Variants in RIT2 observed in about 807,000 individuals in gnomAD.
The protein encoded by RIT2 is Ras like without CAAX 2.
Under a neutral mutation model 23.7 loss-of-function variants are expected in RIT2, and 24 were observed. The ratio of observed to expected loss-of-function variants is 1.01; its 90% CI spans 0.73 to 1.43. The LOEUF (loss-of-function observed/expected upper bound fraction) is 1.43, where lower values mean the gene tolerates loss of function less well. Among genes scored for constraint, RIT2 ranks in the 40% most tolerant of loss-of-function variants. The probability of loss-of-function intolerance (pLI) is 0.00; values close to 1 mark genes in which losing one functional copy is unlikely to be tolerated. For missense variants in RIT2, 236 were observed against 266.9 expected (o/e 0.88, Z 0.81); for synonymous variants, 107 against 91.1 (o/e 1.17, Z -0.99).
At chr18:42,905,087 C>T (rs1246572513) in intron 4 of RIT2, among the ~76,000 whole-genome samples, 1 of 152,064 alleles carries the variant, frequency 6.6e-6, no homozygotes, top group Non-Finnish European at 1.5e-5. Flanking sequence ...TCCCTTCAAG[C>T]CATGTCTACA....
At chr18:43,045,124 C>T (rs1172463879) in intron 1 of RIT2, among the ~76,000 whole-genome samples, 1 of 152,016 alleles carries the variant, frequency 6.6e-6, no homozygotes, top group African/African-American at 2.4e-5. Flanking sequence ...AAATGAAATA[C>T]CTAAGGAGTA....
chr18:42,801,738 ATTCT>A (rs989481001), intron 4 of RIT2, among the ~76,000 whole-genome samples: 2 of 152,082 alleles, frequency 1.3e-5, no homozygotes, highest in African/African-American at 2.4e-5. Context: ...GATGACTGTC[ATTCT>A]TTCTTTCTTT....
At chr18:42,841,003 C>T (rs2144023741) in intron 4 of RIT2, among the ~76,000 whole-genome samples, 1 of 152,220 alleles carries the variant, frequency 6.6e-6, no homozygotes, top group African/African-American at 2.4e-5. Context: ...CACAAAATTC[C>T]TGTTTGGCAA....
chr18:42,967,257 T>G (rs1291197064), intron 3 of RIT2, among the ~76,000 whole-genome samples: 1 of 152,128 alleles, frequency 6.6e-6, no homozygotes, highest in East Asian at 1.9e-4. Flanking sequence ...GTGATTGGCT[T>G]CTATAAATCT....
At chr18:42,826,303 T>C (rs990595235) in intron 4 of RIT2, among the ~76,000 whole-genome samples, 6 of 152,084 alleles carry the variant, frequency 3.9e-5, no homozygotes, top group African/African-American at 1.4e-4. Flanking sequence ...ACCATTCACG[T>C]ATTAAGTGGC....
chr18:43,107,797 G>A (rs1283226724), intron 1 of RIT2, among the ~76,000 whole-genome samples: 14 of 152,086 alleles, frequency 9.2e-5, no homozygotes, highest in Non-Finnish European at 1.5e-5. Flanking sequence ...AGCACTCTCC[G>A]TTGTTTGTGT....
At chr18:43,046,492 T>C (rs1912250593) in intron 1 of RIT2, among the ~76,000 whole-genome samples, 1 of 152,198 alleles carries the variant, frequency 6.6e-6, no homozygotes, top group Admixed American at 6.5e-5. Flanking sequence ...AGATGAGCTC[T>C]GCCTAAAGCT....
intron 4 of RIT2, among the ~76,000 whole-genome samples, chr18:42,798,398 CTCTT>C (rs1905434163): frequency 6.6e-6 from 1 of 152,180 alleles, no homozygotes; most frequent in Admixed American, 6.5e-5. Context: ...GCAACAGTCT[CTCTT>C]TGTTTTTTAA....
chr18:42,967,882 AAAT>A (rs1910273534), intron 3 of RIT2, among the ~76,000 whole-genome samples: 1 of 151,938 alleles, frequency 6.6e-6, no homozygotes, highest in Non-Finnish European at 1.5e-5. Flanking sequence ...TTACATTTTA[AAAT>A]AATTTCATCT....
intron 2 of RIT2, among the ~76,000 whole-genome samples, chr18:42,993,616 C>A (rs1226759902): frequency 6.6e-6 from 1 of 152,050 alleles, no homozygotes; most frequent in Non-Finnish European, 1.5e-5. Context: ...TTAGTTATCC[C>A]CACCTGCCCA....
rs765274954 is a variant in RIT2, at chr18:42,743,759, G to C, written c.427-39C>G. On this transcript the variant is annotated intron_variant, in intron 4 of 4. Transcript: ENST00000326695. The stretch of plus-strand genomic sequence containing the variant: ...AAATAATATTAAAAAGACAGAAAGA[G>C]AAAGACTCTTCAATTAAAAATACGT... 5.5e-6 allele frequency: 8 copies of C among 1,449,002 alleles called. No homozygotes were observed. The Admixed American group carries it at 1.4e-4, about 26-fold the overall frequency. The allele number at this position is 1,449,002 out of a possible 1,614,324, so 89.8% of individuals were successfully genotyped here. A position where few individuals can be genotyped will look rare whatever the true frequency, so the allele number is the denominator to read the frequency against.
intron 3 of RIT2, among the ~76,000 whole-genome samples, chr18:42,939,199 G>C (rs563661470): frequency 4.1e-4 from 63 of 152,284 alleles, no homozygotes; most frequent in Non-Finnish European, 7.8e-4. Flanking sequence ...TGGTGAGAGG[G>C]ATTAAGCATG....
At chr18:43,013,400 G>A (rs1458493534) in intron 2 of RIT2, among the ~76,000 whole-genome samples, 2 of 151,722 alleles carry the variant, frequency 1.3e-5, no homozygotes, top group East Asian at 3.9e-4. Flanking sequence ...TCCAGGAATC[G>A]TGACTGAGAA....
At chr18:42,850,126 G>A (rs909515195) in intron 4 of RIT2, among the ~76,000 whole-genome samples, 4 of 147,862 alleles carry the variant, frequency 2.7e-5, no homozygotes, top group Admixed American at 6.7e-5. Context: ...TATACATAAC[G>A]AGATTAATAA....
At chr18:42,876,254 A>G (rs1907740119) in intron 4 of RIT2, among the ~76,000 whole-genome samples, 1 of 151,942 alleles carries the variant, frequency 6.6e-6, no homozygotes, top group Non-Finnish European at 1.5e-5. Flanking sequence ...TACATAATTC[A>G]TGTATTTTCT....
At chr18:42,851,339 G>C (rs1293348253) in intron 4 of RIT2, among the ~76,000 whole-genome samples, 3 of 152,098 alleles carry the variant, frequency 2.0e-5, no homozygotes, top group African/African-American at 7.2e-5. Context: ...ATTTAATTTT[G>C]CTGATTGTTT....
chr18:42,923,770 GAAAAA>G lies in RIT2; in HGVS notation c.235-12_235-8del. On this transcript the variant is annotated splice_polypyrimidine_tract_variant and splice_region_variant and intron_variant, in intron 3 of 4. Transcript: ENST00000326695. ...GCATGGCTGTGAATTCTGCCTGCAGGAAAAAAAAAAAAAAATTAGTTATGGGCTTT... is the reference window on the plus strand; with the variant it reads ...GCATGGCTGTGAATTCTGCCTGCAGGAAAAAAAAAATTAGTTATGGGCTTT... 2.8e-6 allele frequency: 4 copies of G among 1,433,742 alleles called. No homozygotes were observed. Among genetic ancestry groups the G allele is most frequent in the East Asian group, 2.4e-5 (1 of 41,714 alleles). 88.8% of individuals were successfully genotyped at this position (1,433,742 alleles called of 1,614,324 possible). A position where few individuals can be genotyped will look rare whatever the true frequency, so the allele number is the denominator to read the frequency against.
At chr18:43,014,597 A>AAAAC (rs61023916) in intron 2 of RIT2, among the ~76,000 whole-genome samples, 144,200 of 151,094 alleles carry the variant, frequency 0.95, 69,166 homozygotes, top group East Asian at 1. Context: ...GAAATAATTA[A>AAAAC]AAACATTTTT....
intron 2 of RIT2, among the ~76,000 whole-genome samples, chr18:42,977,521 T>A (rs1910502111): frequency 6.6e-6 from 1 of 151,916 alleles, no homozygotes; most frequent in Non-Finnish European, 1.5e-5. Flanking sequence ...GTAGTAATGA[T>A]CAACCATAGG....
Sources: allele counts gnomAD v4.1 joint callset (sites outside exome capture counted in the v4.1 genomes callset), GRCh38; gene constraint gnomAD v4.1.1; transcripts MANE v1.5; gene names NCBI Gene and HGNC (gene_info 2026-07-23, HGNC 2026-07-21).